Variants in MPP7 observed in about 807,000 individuals in gnomAD.
The protein encoded by MPP7 is MAGUK p55 subfamily member 7.
A neutral mutation model predicts 76.5 loss-of-function variants in MPP7; 60 were observed. The ratio of observed to expected loss-of-function variants is 0.78; its 90% CI spans 0.64 to 0.97. MPP7 has a LOEUF of 0.97. MPP7 is among the 50% of genes least tolerant of loss of function. The pLI is 0.00. For missense variants in MPP7, 641 were observed against 694.0 expected, an observed-to-expected ratio of 0.92 and a Z score of 0.86; for synonymous variants, 237 against 244.5, an observed-to-expected ratio of 0.97 and a Z score of 0.29.
intron 11 of MPP7, 26 bp from the exon 12 acceptor site, chr10:28,089,867 T>G (rs201959232): frequency 1.6e-6 from 2 of 1,237,072 alleles, no homozygotes; most frequent in Non-Finnish European, 2.2e-6. Flanking sequence ...TAAATATATT[T>G]TTAGTAACAT....
chr10:28,115,687 T>C (rs966432901), intron 11 of MPP7, among the ~76,000 whole-genome samples: 2 of 152,250 alleles, frequency 1.3e-5, no homozygotes, highest in African/African-American at 2.4e-5. Context: ...CGGTACCGTG[T>C]GCAGTGAATT....
intron 3 of MPP7, among the ~76,000 whole-genome samples, chr10:28,196,249 G>C (rs544816355): frequency 1.1e-4 from 16 of 152,150 alleles, no homozygotes; most frequent in South Asian, 2.1e-4. Context: ...GGGAGGCCAA[G>C]GCAGGTGGAT....
At chr10:28,098,404 T>A (rs556490918) in intron 11 of MPP7, among the ~76,000 whole-genome samples, 5 of 151,852 alleles carry the variant, frequency 3.3e-5, no homozygotes, top group African/African-American at 4.8e-5. Flanking sequence ...TACAGAAATA[T>A]AGAAGAAAAT....
chr10:28,065,774 T>C (rs774827899), intron 13 of MPP7, among the ~76,000 whole-genome samples: 6 of 152,188 alleles, frequency 3.9e-5, no homozygotes, highest in Non-Finnish European at 8.8e-5. Flanking sequence ...ACAAACAAGT[T>C]GTCTAGAACA....
At chr10:28,305,323 T>C (rs1374308294), upstream of MPP7, 4 of 152,140 alleles carry the variant, frequency 2.6e-5, no homozygotes, top group African/African-American at 9.7e-5. Flanking sequence ...TGTATTTTGT[T>C]ACAAGGATTC....
chr10:28,283,443 C>T (rs1416649898), intron 1 of MPP7, among the ~76,000 whole-genome samples: 3 of 152,058 alleles, frequency 2.0e-5, no homozygotes. Flanking sequence ...ACCTGGCATA[C>T]TGTAAAGAAC....
intron 2 of MPP7, among the ~76,000 whole-genome samples, chr10:28,216,248 T>C (rs1838305954): frequency 6.6e-6 from 1 of 151,332 alleles, no homozygotes; most frequent in East Asian, 1.9e-4. Context: ...GCCCAGGATT[T>C]GAGGCTGCAG....
At chr10:28,096,014 G>A (rs561841810) in intron 11 of MPP7, among the ~76,000 whole-genome samples, 1 of 152,172 alleles carries the variant, frequency 6.6e-6, no homozygotes, top group African/African-American at 2.4e-5. Flanking sequence ...CACAGACACC[G>A]CTTATCTAAT....
At chr10:28,157,503 C>A (rs1163257032) in intron 3 of MPP7, among the ~76,000 whole-genome samples, 1 of 152,212 alleles carries the variant, frequency 6.6e-6, no homozygotes, top group Non-Finnish European at 1.5e-5. Flanking sequence ...AAATACCCAG[C>A]AACCATAAAC....
In MPP7 at chr10:28,125,000, A is replaced by G. The variant is rs1301272668; in HGVS notation, c.529+10T>C. On this transcript the variant is annotated intron_variant, in intron 7 of 16. Transcript: ENST00000683449. ...ATTAGTCTGTACTTGGTTAACATTT[A>G]AAGTCTCACCACTTCTATCTGCAGC... 1 of 1,611,980 alleles carries G rather than the reference A, an allele frequency of 6.2e-7. No individual in the cohort carries two copies. Among genetic ancestry groups the G allele is most frequent in the African/African-American group, 1.3e-5 (1 of 74,868 alleles).
chr10:28,163,211 C>G (rs1161108382), intron 3 of MPP7, among the ~76,000 whole-genome samples: 1 of 152,178 alleles, frequency 6.6e-6, no homozygotes, highest in Non-Finnish European at 1.5e-5. Context: ...TCCCTCCATT[C>G]ATGACACTCT....
intron 11 of MPP7, among the ~76,000 whole-genome samples, chr10:28,094,868 T>C (rs963196246): frequency 6.6e-6 from 1 of 152,072 alleles, no homozygotes; most frequent in African/African-American, 2.4e-5. Flanking sequence ...GGCACGAGAA[T>C]CACTTGAATC....
At position 28,184,166 on chromosome 10, in the gene MPP7, A is replaced by T. The variant is rs183688403; in HGVS notation, c.156+17987T>A. Among the ~76,000 whole-genome samples, 654 of 144,576 alleles carry T rather than the reference A, an allele frequency of 4.5e-3. 4 individuals are homozygous for T. The highest frequency in any genetic ancestry group is 0.016 in the African/African-American group (633 of 39,216). 94.8% of individuals were successfully genotyped at this position (144,576 alleles called of 152,430 possible). A position where few individuals can be genotyped will look rare whatever the true frequency, so the allele number is the denominator to read the frequency against. On this transcript the variant is annotated intron_variant, in intron 3 of 16. Coordinates refer to ENST00000683449, the MANE Select transcript of MPP7 (RefSeq NM_001318170.2). ...ATAAAGATATATTATCTTAGTATAT[A>T]TTAAGATCTATGTCTTTATATATCA...
At chr10:28,183,035 G>A (rs1278137547) in intron 3 of MPP7, among the ~76,000 whole-genome samples, 2 of 152,154 alleles carry the variant, frequency 1.3e-5, no homozygotes, top group South Asian at 2.1e-4. Flanking sequence ...CCAAGATCAC[G>A]CCATTGCATT....
chr10:28,197,747 G>A (rs1837635547), intron 3 of MPP7, among the ~76,000 whole-genome samples: 1 of 152,128 alleles, frequency 6.6e-6, no homozygotes, highest in Non-Finnish European at 1.5e-5. Flanking sequence ...CTGGCATAGA[G>A]TATGTACCCA....
chr10:28,218,693 ATTC>A (rs1024597757), intron 2 of MPP7, among the ~76,000 whole-genome samples: 2 of 152,206 alleles, frequency 1.3e-5, no homozygotes, highest in Non-Finnish European at 2.9e-5. Context: ...GAAAATCAAG[ATTC>A]AGGAAAGCCT....
intron 2 of MPP7, among the ~76,000 whole-genome samples, chr10:28,210,010 A>T (rs1242081609): frequency 6.6e-6 from 1 of 152,144 alleles, no homozygotes; most frequent in African/African-American, 2.4e-5. Context: ...TTGAGCTGGG[A>T]CACCCATCTT....
rs192013984 is a variant in MPP7, at chr10:28,261,916, G to A, written c.-131-23181C>T. Among the ~76,000 whole-genome samples the A allele has an allele frequency of 5.2e-3, 773 of 149,372 alleles. 7 individuals carry two copies. The highest frequency in any genetic ancestry group is 0.016 in the African/African-American group (656 of 40,672). On this transcript the variant is annotated intron_variant, in intron 1 of 16. Coordinates refer to ENST00000683449, the MANE Select transcript of MPP7 (RefSeq NM_001318170.2). ...TGTAATCCCAGCACTTTGGGAGGCC[G>A]AGGTGGGTGGATTGCTTGAGGTCAA...
At chr10:28,244,123 T>A (rs1445602245) in intron 1 of MPP7, among the ~76,000 whole-genome samples, 1 of 152,172 alleles carries the variant, frequency 6.6e-6, no homozygotes. Flanking sequence ...TATGACTGTG[T>A]TCCCATAAAA....
Sources: allele counts gnomAD v4.1 joint callset (sites outside exome capture counted in the v4.1 genomes callset), GRCh38; gene constraint gnomAD v4.1.1; transcripts MANE v1.5; gene names NCBI Gene and HGNC (gene_info 2026-07-23, HGNC 2026-07-21).